PGM1: variants seen among roughly 807,000 people sequenced by gnomAD.
PGM1 encodes the protein phosphoglucomutase-1.
Under a neutral mutation model 55.6 loss-of-function variants are expected in PGM1, and 52 were observed. That is an observed-to-expected ratio of 0.94 (90% CI 0.75 to 1.18). PGM1 has a LOEUF of 1.18. Among genes scored for constraint, PGM1 ranks in the 50% most tolerant of loss-of-function variants. The pLI is 0.00. For missense variants in PGM1, 724 were observed against 729.3 expected (o/e 0.99, Z 0.08); for synonymous variants, 287 against 271.7 (o/e 1.06, Z -0.55).
At chr1:63,600,699 C>A (rs1648218156) in intron 1 of PGM1, among the ~76,000 whole-genome samples, 1 of 151,998 alleles carries the variant, frequency 6.6e-6, no homozygotes, top group Non-Finnish European at 1.5e-5. Flanking sequence ...AAGGAGTGAG[C>A]CATGCAGATA....
In PGM1 at chr1:63,650,815, C is replaced by T. The variant is rs575420198; in HGVS notation, c.1281-854C>T. Among the ~76,000 whole-genome samples the T allele has an allele frequency of 8.3e-4, 126 of 152,050 alleles. 1 individual carries two copies. Among genetic ancestry groups the T allele is most frequent in the African/African-American group, 2.7e-3 (112 of 41,442 alleles). On this transcript the variant is annotated intron_variant, in intron 8 of 10. Coordinates refer to ENST00000371084, the MANE Select transcript of PGM1 (RefSeq NM_002633.3). ...CTTTTTTCCTTGGCCCTTTTTCATC[C>T]GCACTGGGCCTCTTCTGTCAGGGTG...
At chr1:63,595,597 C>T (rs1015403367) in intron 1 of PGM1, among the ~76,000 whole-genome samples, 1 of 138,072 alleles carries the variant, frequency 7.2e-6, no homozygotes, top group African/African-American at 3.2e-5. Context: ...TAGCTGTATC[C>T]CAGTAGATCA....
At chr1:63,593,812 C>A in intron 1 of PGM1, 78 bp downstream of exon 1, 1 of 1,344,802 alleles carries the variant, frequency 7.4e-7, no homozygotes, top group South Asian at 1.9e-5. Context: ...CTCCCTCGCT[C>A]GGGGCCGGCC....
rs34661751 is a variant in PGM1 at position 63,594,788 on chromosome 1, CAAAAAAA to C, written c.246+1071_246+1077del. Among the ~76,000 whole-genome samples, 161 of 90,510 alleles carry C rather than the reference CAAAAAAA, an allele frequency of 1.8e-3. 1 individual carries two copies. Among genetic ancestry groups the C allele is most frequent in the African/African-American group, 4.7e-3 (109 of 23,164 alleles). 59.4% of individuals were successfully genotyped at this position (90,510 alleles called of 152,430 possible). A position where few individuals can be genotyped will look rare whatever the true frequency, so the allele number is the denominator to read the frequency against. On this transcript the variant is annotated intron_variant, in intron 1 of 10. Transcript: ENST00000371084. ...GAAACCACGTCTCTACTAAAAAATA[CAAAAAAA>C]AAAAAAAAAAAAAAAATTAGCCAGG...
intron 9 of PGM1, 93 bp downstream of exon 9, chr1:63,651,945 T>G: frequency 8.1e-7 from 1 of 1,234,986 alleles, no homozygotes; most frequent in Admixed American, 1.8e-5. Flanking sequence ...TGTTGGCTAT[T>G]TTTCTTTTGC....
At chr1:63,647,190 C>A (rs1299927115) in intron 7 of PGM1, among the ~76,000 whole-genome samples, 2 of 144,776 alleles carry the variant, frequency 1.4e-5, no homozygotes, top group Non-Finnish European at 3.0e-5. Context: ...TTGCAGTGAG[C>A]CAAGATCATG....
intron 1 of PGM1, among the ~76,000 whole-genome samples, chr1:63,611,783 G>A (rs1417118171): frequency 6.6e-6 from 1 of 151,662 alleles, no homozygotes; most frequent in Admixed American, 6.6e-5. Context: ...CATGCCTGTA[G>A]TCCCAGCTAT....
At position 63,638,255 on chromosome 1, in the gene PGM1, C is replaced by T. The variant is rs149332811; in HGVS notation, c.1029-430C>T. Reference sequence around the variant, plus strand: ...TTGTCTGATCACATAACATTCTGGGCCCTGTTTCCTTCTCTGTAAAATGCT... The same window carrying T: ...TTGTCTGATCACATAACATTCTGGGTCCTGTTTCCTTCTCTGTAAAATGCT... On this transcript the variant is annotated intron_variant, in intron 6 of 10. Coordinates refer to ENST00000371084, the MANE Select transcript of PGM1 (RefSeq NM_002633.3). 6.6e-3 allele frequency among the ~76,000 whole-genome samples: 1,005 copies of T among 152,246 alleles called. 11 individuals are homozygous for T. The highest frequency in any genetic ancestry group is 0.023 in the African/African-American group (956 of 41,564).
chr1:63,604,947 G>A, intron 1 of PGM1, among the ~76,000 whole-genome samples: 1 of 139,936 alleles, frequency 7.1e-6, no homozygotes, highest in East Asian at 2.0e-4. Flanking sequence ...GTGTGTGTGT[G>A]TGTGTGTGTG....
At chr1:63,643,965 C>T (rs58868195) in intron 7 of PGM1, among the ~76,000 whole-genome samples, 1 of 152,180 alleles carries the variant, frequency 6.6e-6, no homozygotes, top group African/African-American at 2.4e-5. Context: ...CAGACAGACA[C>T]TGGTACTTTC....
At chr1:63,627,053 A>AACC (rs1649037434) in intron 1 of PGM1, among the ~76,000 whole-genome samples, 2 of 93,176 alleles carry the variant, frequency 2.1e-5, no homozygotes, top group East Asian at 4.4e-4. Context: ...ATATGGCAGG[A>AACC]CCCCCCCCCC....
chr1:63,631,866 C>G (rs1649205352), intron 4 of PGM1, 84 bp downstream of exon 4: 4 of 1,310,346 alleles, frequency 3.1e-6, no homozygotes, highest in Middle Eastern at 1.8e-4. Context: ...CTTCAACAAG[C>G]CTTTTCTCAA....
intron 2 of PGM1, 101 bp from the exon 3 acceptor site, chr1:63,629,841 A>G: frequency 7.4e-7 from 1 of 1,347,338 alleles, no homozygotes; most frequent in Admixed American, 1.7e-5. Flanking sequence ...GAATGATGAA[A>G]TGGTAGATGT....
chr1:63,636,124 A>G (rs1393975561), intron 5 of PGM1, 110 bp from the exon 6 acceptor site: 3 of 1,048,650 alleles, frequency 2.9e-6, no homozygotes, highest in East Asian at 5.0e-5. Context: ...TGGAAAGGAG[A>G]TCAATTTCAA....
intron 7 of PGM1, among the ~76,000 whole-genome samples, chr1:63,642,768 C>A (rs1193462843): frequency 6.6e-6 from 1 of 152,180 alleles, no homozygotes; most frequent in Non-Finnish European, 1.5e-5. Context: ...ATGTATCATA[C>A]AGGAGTGATA....
chr1:63,651,466 C>T (rs1054227005), intron 8 of PGM1: 4 of 574,144 alleles, frequency 7.0e-6, no homozygotes, highest in Admixed American at 3.0e-5. Flanking sequence ...ATAACCCTTC[C>T]CTGAAATCCT....
intron 9 of PGM1, among the ~76,000 whole-genome samples, chr1:63,653,892 T>C (rs898132472): frequency 3.3e-5 from 5 of 152,204 alleles, no homozygotes; most frequent in African/African-American, 1.2e-4. Flanking sequence ...GTAAGAGTCC[T>C]TCCCCTCATC....
At chr1:63,630,695 T>C (rs999982576) in intron 3 of PGM1, among the ~76,000 whole-genome samples, 1 of 152,234 alleles carries the variant, frequency 6.6e-6, no homozygotes, top group African/African-American at 2.4e-5. Context: ...TAACATTTTG[T>C]TGTTGAATTA....
At chr1:63,658,650 G>T (rs1312866506) in intron 10 of PGM1, among the ~76,000 whole-genome samples, 1 of 151,890 alleles carries the variant, frequency 6.6e-6, no homozygotes, top group Non-Finnish European at 1.5e-5. Context: ...CACTAGAGAG[G>T]CTGAGGCAGG....
Sources: allele counts gnomAD v4.1 joint callset (sites outside exome capture counted in the v4.1 genomes callset), GRCh38; gene constraint gnomAD v4.1.1; transcripts MANE v1.5; gene names NCBI Gene and HGNC (gene_info 2026-07-23, HGNC 2026-07-21).